BBS9: variants seen among roughly 807,000 people sequenced by gnomAD.
BBS9 encodes the protein Bardet-Biedl syndrome 9, also known as protein PTHB1.
Under a neutral mutation model 117.7 loss-of-function variants are expected in BBS9, and 89 were observed. That is an observed-to-expected ratio of 0.76 (90% confidence interval 0.64 to 0.90). BBS9 has a LOEUF of 0.90. BBS9 is among the 40% of genes least tolerant of loss of function. The pLI is 0.00. For missense variants in BBS9, 982 were observed against 1,042.2 expected (o/e 0.94, Z 0.80); for synonymous variants, 379 against 370.9 (o/e 1.02, Z -0.25).
chr7:33,302,950 T>G (rs1168635600), intron 9 of BBS9, among the ~76,000 whole-genome samples: 1 of 152,220 alleles, frequency 6.6e-6, no homozygotes, highest in East Asian at 1.9e-4. Flanking sequence ...ATTTCTTGCA[T>G]CAATGTTTTA....
intron 21 of BBS9, among the ~76,000 whole-genome samples, chr7:33,600,269 T>C (rs1004968799): frequency 9.9e-5 from 15 of 152,212 alleles, no homozygotes; most frequent in Non-Finnish European, 1.6e-4. Context: ...TTTTTACGAC[T>C]GTTGAACCTA....
At chr7:33,262,976 TA>T (rs1798208670) in intron 6 of BBS9, among the ~76,000 whole-genome samples, 1 of 152,248 alleles carries the variant, frequency 6.6e-6, no homozygotes, top group Non-Finnish European at 1.5e-5. Flanking sequence ...TATGAGTCTC[TA>T]CAACTAGTGT....
intron 21 of BBS9, among the ~76,000 whole-genome samples, chr7:33,569,954 T>G (rs1004813308): frequency 6.6e-6 from 1 of 152,148 alleles, no homozygotes; most frequent in Non-Finnish European, 1.5e-5. Flanking sequence ...AATTACCATC[T>G]CTAATAAAAA....
chr7:33,130,997 C>T (rs1277761906), intron 1 of BBS9, among the ~76,000 whole-genome samples: 1 of 151,516 alleles, frequency 6.6e-6, no homozygotes, highest in Non-Finnish European at 1.5e-5. Flanking sequence ...GTAAGTCTTA[C>T]GCTTTAGAAT....
chr7:33,551,679 T>G (rs1311142070), intron 21 of BBS9, among the ~76,000 whole-genome samples: 1 of 152,168 alleles, frequency 6.6e-6, no homozygotes, highest in African/African-American at 2.4e-5. Flanking sequence ...CTCAGGGAAT[T>G]TATTATGTTC....
At position 33,306,364 on chromosome 7, in the gene BBS9, T is replaced by C. The variant is rs149830275; in HGVS notation, c.1017-30077T>C. On this transcript the variant is annotated intron_variant, in intron 9 of 22. Transcript: ENST00000242067. ...ATGAAGGCCATCATGCTACTGAAGG[T>C]TTTTTCCTTCCATGTGCGAAATTCA... Among the ~76,000 whole-genome samples, 359 of 152,110 alleles carry C rather than the reference T, an allele frequency of 2.4e-3. 2 individuals carry two copies. The highest frequency in any genetic ancestry group is 0.014 in the East Asian group (72 of 5,180).
At chr7:33,399,549 G>C (rs1334946335) in intron 19 of BBS9, among the ~76,000 whole-genome samples, 1 of 152,098 alleles carries the variant, frequency 6.6e-6, no homozygotes, top group Non-Finnish European at 1.5e-5. Flanking sequence ...TGTCTGTGTA[G>C]CATCTTGCAT....
In BBS9 at chr7:33,140,323, C is replaced by T. The variant is rs768539878; in HGVS notation, c.-11-5919C>T. ...ACAGGCATGAGCCACCGCACCCAGC[C>T]GGATTCCTCCTCTTCTTAACCTCTG... On this transcript the variant is annotated intron_variant, in intron 1 of 22. Coordinates refer to ENST00000242067, the MANE Select transcript of BBS9 (RefSeq NM_198428.3). Among the ~76,000 whole-genome samples the T allele has an allele frequency of 2.6e-5, 4 of 152,194 alleles. No individual in the cohort carries two copies. The East Asian group carries it at 5.8e-4, about 22-fold the overall frequency.
intron 19 of BBS9, among the ~76,000 whole-genome samples, chr7:33,472,174 GA>G (rs1841133671): frequency 6.6e-6 from 1 of 152,144 alleles, no homozygotes; most frequent in Non-Finnish European, 1.5e-5. Context: ...CTCTTGCAGA[GA>G]AATGATATTT....
intron 4 of BBS9, among the ~76,000 whole-genome samples, chr7:33,169,903 T>C (rs1562724335): frequency 6.6e-6 from 1 of 151,892 alleles, no homozygotes; most frequent in Non-Finnish European, 1.5e-5. Flanking sequence ...ATGTTCTGAA[T>C]GGTAATGCCT....
At chr7:33,164,622 A>G (rs1000793213) in intron 4 of BBS9, among the ~76,000 whole-genome samples, 3 of 151,982 alleles carry the variant, frequency 2.0e-5, no homozygotes, top group Non-Finnish European at 4.4e-5. Context: ...GTTGGTTTAA[A>G]GTCTGTTTTA....
chr7:33,150,488 T>C (rs1210863216), intron 2 of BBS9, among the ~76,000 whole-genome samples: 3 of 152,164 alleles, frequency 2.0e-5, no homozygotes, highest in African/African-American at 7.2e-5. Context: ...TGTAAAGTGA[T>C]ACTTAACCCC....
At chr7:33,577,256 C>A (rs1041252019) in intron 21 of BBS9, among the ~76,000 whole-genome samples, 15 of 152,268 alleles carry the variant, frequency 9.9e-5, no homozygotes, top group African/African-American at 3.1e-4. Context: ...TGAACAGACA[C>A]TTCTCAAAAG....
chr7:33,318,775 A>T (rs2128573554), intron 9 of BBS9, among the ~76,000 whole-genome samples: 1 of 152,106 alleles, frequency 6.6e-6, no homozygotes, highest in East Asian at 1.9e-4. Flanking sequence ...CCATTGTATC[A>T]TTCTTATGCC....
At chr7:33,283,592 T>C (rs192596414) in intron 9 of BBS9, among the ~76,000 whole-genome samples, 12 of 152,344 alleles carry the variant, frequency 7.9e-5, no homozygotes, top group African/African-American at 2.6e-4. Flanking sequence ...GGGTTTCTTT[T>C]ATTTCACTGA....
chr7:33,164,191 A>G (rs1271281799), intron 4 of BBS9, among the ~76,000 whole-genome samples: 2 of 152,198 alleles, frequency 1.3e-5, no homozygotes, highest in African/African-American at 4.8e-5. Flanking sequence ...CTGTGGTCTG[A>G]GAGACAGTTT....
At chr7:33,279,041 GTTTA>G (rs1411620672) in intron 9 of BBS9, among the ~76,000 whole-genome samples, 3 of 152,118 alleles carry the variant, frequency 2.0e-5, no homozygotes, top group Non-Finnish European at 2.9e-5. Context: ...TAGCTTATCT[GTTTA>G]TTTATTTTTA....
intron 9 of BBS9, among the ~76,000 whole-genome samples, chr7:33,302,454 A>G (rs1170520468): frequency 6.6e-6 from 1 of 152,050 alleles, no homozygotes; most frequent in Admixed American, 6.5e-5. Flanking sequence ...TGATTTTTGT[A>G]TATGGTGAGA....
chr7:33,332,744 A>G (rs549367185), intron 9 of BBS9, among the ~76,000 whole-genome samples: 3 of 152,238 alleles, frequency 2.0e-5, no homozygotes, highest in Admixed American at 1.3e-4. Context: ...GAAGGCTTTA[A>G]TGTCCCTAAA....
Sources: gnomAD v4.1 joint callset for allele counts (sites outside exome capture counted in the v4.1 genomes callset) on GRCh38, gnomAD v4.1.1 for gene constraint, MANE v1.5 for transcripts, NCBI Gene and HGNC (gene_info 2026-07-23, HGNC 2026-07-21) for gene names.